DPYS: variants seen among roughly 807,000 people sequenced by gnomAD.
The protein encoded by DPYS is dihydropyrimidinase.
DPYS carries 39 observed loss-of-function variants against 50.3 expected under a neutral mutation model. The ratio of observed to expected loss-of-function variants is 0.78; its 90% CI spans 0.60 to 1.01. The LOEUF is 1.01. Ranked by LOEUF, DPYS falls within the 50% of genes least tolerant of loss-of-function variation. The probability of loss-of-function intolerance (pLI) is 0.00; values close to 1 mark genes in which losing one functional copy is unlikely to be tolerated. For missense variants in DPYS, 659 were observed against 680.9 expected (o/e 0.97, Z 0.36); for synonymous variants, 245 against 250.7 (o/e 0.98, Z 0.22).
At chr8:104,381,372 G>T in intron 8 of DPYS, 58 bp from the exon 9 acceptor site, 1 of 1,459,910 alleles carries the variant, frequency 6.8e-7, no homozygotes, top group Non-Finnish European at 9.6e-7. Flanking sequence ...TCAAAGTTAA[G>T]TGTAGCTCCC....
intron 8 of DPYS, among the ~76,000 whole-genome samples, chr8:104,388,244 T>C (rs1262498645): frequency 6.6e-6 from 1 of 152,202 alleles, no homozygotes; most frequent in Admixed American, 6.5e-5. Flanking sequence ...ATTGCAAAGA[T>C]ACAACCCAGT....
chr8:104,399,866 CAA>C (rs57562204), intron 7 of DPYS, among the ~76,000 whole-genome samples: 9 of 52,518 alleles, frequency 1.7e-4, no homozygotes, highest in African/African-American at 6.9e-4. Flanking sequence ...GACTCCGTCT[CAA>C]AAAAAAAAAA....
chr8:104,386,404 A>G (rs1811213662), intron 8 of DPYS, among the ~76,000 whole-genome samples: 2 of 151,722 alleles, frequency 1.3e-5, no homozygotes, highest in African/African-American at 4.8e-5. Flanking sequence ...GTGGTGGCCT[A>G]CGCCTGTAGT....
At chr8:104,466,523 G>T in intron 1 of DPYS, 134 bp downstream of exon 1, 1 of 1,052,778 alleles carries the variant, frequency 9.5e-7, no homozygotes, top group Non-Finnish European at 1.3e-6. Flanking sequence ...CGCCGGGGCT[G>T]CGCTCCTTCC....
At chr8:104,406,547 C>T (rs1226351426) in intron 7 of DPYS, among the ~76,000 whole-genome samples, 1 of 152,178 alleles carries the variant, frequency 6.6e-6, no homozygotes. Context: ...ACCACATACC[C>T]AGGGCAAAGG....
chr8:104,445,307 A>G lies in DPYS; in HGVS notation c.604-870T>C, dbSNP rs752956168. Among the ~76,000 whole-genome samples, 34 of 152,214 alleles carry G rather than the reference A, an allele frequency of 2.2e-4. 1 individual carries two copies. The highest frequency in any genetic ancestry group is 4.1e-4 in the Non-Finnish European group (28 of 68,024). ...GAAAATCAGTATATCAAAGAGATAT[A>G]CCTGCATTCCCATATTTGTTGCTGC... On this transcript the variant is annotated intron_variant, in intron 3 of 9. Coordinates refer to ENST00000351513, the MANE Select transcript of DPYS (RefSeq NM_001385.3).
intron 8 of DPYS, among the ~76,000 whole-genome samples, chr8:104,383,072 G>A (rs1343801420): frequency 6.6e-6 from 1 of 152,174 alleles, no homozygotes; most frequent in African/African-American, 2.4e-5. Context: ...CACAGGGCCT[G>A]TCCTCCTCAC....
chr8:104,401,231 A>T (rs1350468830), intron 7 of DPYS, among the ~76,000 whole-genome samples: 1 of 152,098 alleles, frequency 6.6e-6, no homozygotes, highest in Non-Finnish European at 1.5e-5. Flanking sequence ...GTGTTGTGTG[A>T]TGCCTTATGT....
chr8:104,457,437 T>TG (rs1813964401), intron 1 of DPYS, among the ~76,000 whole-genome samples: 1 of 152,248 alleles, frequency 6.6e-6, no homozygotes, highest in Non-Finnish European at 1.5e-5. Flanking sequence ...TTAAGTTTTT[T>TG]GGACTACAGT....
intron 1 of DPYS, among the ~76,000 whole-genome samples, chr8:104,454,824 T>C (rs1411081390): frequency 6.6e-6 from 1 of 152,170 alleles, no homozygotes; most frequent in Non-Finnish European, 1.5e-5. Flanking sequence ...TAGAGACGGC[T>C]TGGATTTCAA....
intron 7 of DPYS, 135 bp downstream of exon 7, chr8:104,424,112 A>G (rs1216930744): frequency 1.7e-5 from 26 of 1,569,572 alleles, no homozygotes; most frequent in Non-Finnish European, 2.1e-5. Context: ...TCTTGTGTAC[A>G]GGATCAAAAT....
At chr8:104,451,749 T>C (rs1439707175) in intron 1 of DPYS, among the ~76,000 whole-genome samples, 4 of 152,210 alleles carry the variant, frequency 2.6e-5, no homozygotes, top group Non-Finnish European at 5.9e-5. Context: ...GTGATATTCA[T>C]TATTATAAAA....
intron 4 of DPYS, among the ~76,000 whole-genome samples, chr8:104,436,366 G>A (rs1482870186): frequency 4.6e-5 from 7 of 152,102 alleles, no homozygotes; most frequent in Admixed American, 4.6e-4. Context: ...TCCCAGCACT[G>A]TGGGAGGCAG....
intron 7 of DPYS, among the ~76,000 whole-genome samples, 161 bp from the exon 8 acceptor site, chr8:104,393,152 A>G (rs1430882261): frequency 6.6e-6 from 1 of 152,246 alleles, no homozygotes. Context: ...ACATAACATT[A>G]ACATTTCATT....
intron 1 of DPYS, among the ~76,000 whole-genome samples, chr8:104,456,269 T>C (rs1293591300): frequency 2.0e-5 from 3 of 152,172 alleles, no homozygotes; most frequent in Non-Finnish European, 4.4e-5. Context: ...AATGTATTCC[T>C]GCTATTAAGT....
intron 2 of DPYS, among the ~76,000 whole-genome samples, chr8:104,449,262 C>G (rs975818698): frequency 6.6e-6 from 1 of 152,264 alleles, no homozygotes; most frequent in Admixed American, 6.5e-5. Flanking sequence ...TTAGCATATT[C>G]ACATAATGGG....
chr8:104,402,232 TA>T (rs1253516784), intron 7 of DPYS, among the ~76,000 whole-genome samples: 1 of 152,222 alleles, frequency 6.6e-6, no homozygotes, highest in Non-Finnish European at 1.5e-5. Flanking sequence ...AGGTATTTTA[TA>T]TATGTATTTG....
chr8:104,424,143 G>T (rs1812641808), intron 7 of DPYS, 104 bp downstream of exon 7: 5 of 1,596,728 alleles, frequency 3.1e-6, no homozygotes, highest in Non-Finnish European at 3.4e-6. Flanking sequence ...AGCTAAAGAA[G>T]TCATCTAAGG....
At position 104,429,604 on chromosome 8, in the gene DPYS, C is replaced by T. The variant is rs1812879394; in HGVS notation, c.891G>A (p.Met297Ile). The T allele has an allele frequency of 3.7e-6, 6 of 1,614,006 alleles. No homozygotes were observed. Among genetic ancestry groups the T allele is most frequent in the Non-Finnish European group, 2.5e-6 (3 of 1,180,020 alleles). Residue 297 changes from methionine to isoleucine, a missense_variant, in exon 5 of 10, where the codon ATG becomes ATA. Physicochemically the swap from Met to Ile is conservative, Grantham distance 10 (BLOSUM62 1). Coordinates refer to ENST00000351513, the MANE Select transcript of DPYS (RefSeq NM_001385.3). ...KEWHHAAHHV[M>I]GPPLRPDPST... ...AGGGGTCTGGTCGCAAAGGTGGACC[C>T]ATGACATGGTGGGCTGCATGGTGCC... is the stretch of plus-strand genomic sequence containing the variant.
Sources: gnomAD v4.1 joint callset for allele counts (sites outside exome capture counted in the v4.1 genomes callset) on GRCh38, gnomAD v4.1.1 for gene constraint, MANE v1.5 for transcripts, NCBI Gene and HGNC (gene_info 2026-07-23, HGNC 2026-07-21) for gene names.